The following FYB2 variants were observed in gnomAD, a reference collection of about 807,000 sequenced individuals.
FYB2 encodes the protein FYN-binding protein 2.
In FYB2, 103 loss-of-function variants were observed where a neutral mutation model predicts 94.1. The observed-to-expected ratio is 1.09, with a 90% CI of 0.93 to 1.29. The LOEUF is 1.29. Among genes scored for constraint, FYB2 ranks in the 50% most tolerant of loss-of-function variants. FYB2 has a pLI of 0.00. For missense variants in FYB2, 896 were observed against 841.5 expected, an observed-to-expected ratio of 1.06 and a Z score of -0.80; for synonymous variants, 293 against 287.9, an observed-to-expected ratio of 1.02 and a Z score of -0.18.
At chr1:56,777,576 T>G (rs1645910478) in intron 4 of FYB2, among the ~76,000 whole-genome samples, 1 of 152,016 alleles carries the variant, frequency 6.6e-6, no homozygotes, top group Non-Finnish European at 1.5e-5. Flanking sequence ...TATACTTGAG[T>G]CTTAAGCCGA....
At chr1:56,770,325 G>A (rs376221834) in intron 4 of FYB2, among the ~76,000 whole-genome samples, 282 of 152,142 alleles carry the variant, frequency 1.9e-3, no homozygotes, top group African/African-American at 6.4e-3. Flanking sequence ...ACCCTAACTC[G>A]CCTCTCTTCT....
intron 1 of FYB2, 78 bp from the exon 2 acceptor site, chr1:56,792,881 ATTCC>A: frequency 7.0e-7 from 1 of 1,428,798 alleles, no homozygotes; most frequent in Admixed American, 2.1e-5. Flanking sequence ...GTGTCTCATT[ATTCC>A]AAGAAAAAAA....
At chr1:56,770,228 A>G (rs1220926556) in intron 4 of FYB2, among the ~76,000 whole-genome samples, 1 of 152,106 alleles carries the variant, frequency 6.6e-6, no homozygotes, top group Non-Finnish European at 1.5e-5. Flanking sequence ...CCGACTGAGA[A>G]AGAAACACAA....
chr1:56,726,512 G>C lies in FYB2; in HGVS notation c.1865C>G (p.Ala622Gly), dbSNP rs1226002117. Reference protein sequence around the residue: ...TPKEKKEKNGAEESESFSPRN... With the variant: ...TPKEKKEKNGGEESESFSPRN... Reference sequence around the variant, plus strand: ...GTGTTCCCACCTTTCTGATTCTTCAGCACCGTTTTTCTCTTTTTTTTCCTT... The same window carrying C: ...GTGTTCCCACCTTTCTGATTCTTCACCACCGTTTTTCTCTTTTTTTTCCTT... The change falls in exon 16 of 20, where the codon GCT (alanine) becomes GGT (glycine). Residue 622 changes from alanine to glycine, a missense_variant. Ala to Gly is a moderately conservative substitution (Grantham distance 60, BLOSUM62 0). Transcript: ENST00000343433. 2 of 1,611,698 alleles carry C rather than the reference G, an allele frequency of 1.2e-6. No homozygotes were observed. Among genetic ancestry groups the C allele is most frequent in the African/African-American group, 2.7e-5 (2 of 74,718 alleles).
At chr1:56,808,100 T>C (rs1646686330) in intron 1 of FYB2, among the ~76,000 whole-genome samples, 1 of 152,218 alleles carries the variant, frequency 6.6e-6, no homozygotes, top group Non-Finnish European at 1.5e-5. Context: ...ATTGTTTTAC[T>C]ATACCACACT....
intron 1 of FYB2, among the ~76,000 whole-genome samples, chr1:56,797,067 T>C (rs1322325869): frequency 6.6e-6 from 1 of 152,144 alleles, no homozygotes; most frequent in Non-Finnish European, 1.5e-5. Flanking sequence ...AAGGGGCTTA[T>C]GATGCAAACC....
chr1:56,757,700 TTC>T (rs1176086708), intron 6 of FYB2, among the ~76,000 whole-genome samples: 5 of 87,860 alleles, frequency 5.7e-5, no homozygotes, highest in Non-Finnish European at 8.6e-5. Flanking sequence ...CTTTCTTTCT[TTC>T]TTTCTTTCTT....
At position 56,792,344 on chromosome 1, in the gene FYB2, G is replaced by C. The variant is rs373017352; in HGVS notation, c.469C>G (p.Leu157Val). ...SSQKSEMSSA[L>V]LLANYGSKAI... The stretch of plus-strand genomic sequence containing the variant: ...TTACTTCCATAGTTGGCAAGGAGAA[G>C]GGCTGAAGACATTTCACTTTTCTGA... Residue 157 changes from leucine to valine, a missense_variant, in exon 2 of 20, where the codon CTT (leucine) becomes GTT (valine). Leu to Val is a conservative substitution (Grantham distance 32). Coordinates refer to ENST00000343433, the MANE Select transcript of FYB2 (RefSeq NM_001004303.5). 6.8e-6 allele frequency: 11 copies of C among 1,614,104 alleles called. No individual in the cohort carries two copies. The highest frequency in any genetic ancestry group is 9.3e-6 in the Non-Finnish European group (11 of 1,180,014).
chr1:56,723,429 G>A (rs188455117), intron 17 of FYB2, among the ~76,000 whole-genome samples, 159 bp downstream of exon 17: 1 of 151,946 alleles, frequency 6.6e-6, no homozygotes, highest in Non-Finnish European at 1.5e-5. Flanking sequence ...ATATAGAAAT[G>A]TACCAGGAAA....
chr1:56,744,178 A>G lies in FYB2; in HGVS notation c.1476T>C (p.Asp492=), dbSNP rs747333337. Residue 492 remains aspartate, a synonymous_variant, in exon 10 of 20, where the codon GAT becomes GAC. Transcript: ENST00000343433. ...KTSSISEEIY[D]DVEYSRKEVP... ...CCTCTTTCCTGGAGTACTCGACATC[A>G]TCATATATCTCCTCCGAGATGGAAC... 1 of 1,612,730 alleles carries G rather than the reference A, an allele frequency of 6.2e-7. No individual in the cohort carries two copies.
chr1:56,823,718 G>T (rs917685821), upstream of FYB2: 1 of 152,180 alleles, frequency 6.6e-6, no homozygotes, highest in African/African-American at 2.4e-5. Flanking sequence ...CTCAGCACCT[G>T]CTTTGAGCCA....
At chr1:56,749,791 G>A (rs1335794353) in intron 9 of FYB2, among the ~76,000 whole-genome samples, 1 of 151,934 alleles carries the variant, frequency 6.6e-6, no homozygotes, top group Non-Finnish European at 1.5e-5. Flanking sequence ...ACTAAATAGG[G>A]ATTTGGATCT....
intron 1 of FYB2, among the ~76,000 whole-genome samples, chr1:56,807,110 TC>T (rs1646665221): frequency 6.6e-6 from 1 of 152,166 alleles, no homozygotes; most frequent in Non-Finnish European, 1.5e-5. Flanking sequence ...CCACAGAGCG[TC>T]CTTATTTGAA....
At chr1:56,731,552 C>T (rs1395282266) in intron 15 of FYB2, among the ~76,000 whole-genome samples, 1 of 151,982 alleles carries the variant, frequency 6.6e-6, no homozygotes, top group African/African-American at 2.4e-5. Flanking sequence ...GGGGAGATTT[C>T]AGCTCAGCTC....
At chr1:56,723,192 TA>T (rs1482602561) in intron 17 of FYB2, among the ~76,000 whole-genome samples, 1 of 149,914 alleles carries the variant, frequency 6.7e-6, no homozygotes, top group Non-Finnish European at 1.5e-5. Context: ...AGAGATTAAT[TA>T]AAGATTCACA....
At chr1:56,725,702 A>T (rs1489853814) in intron 16 of FYB2, among the ~76,000 whole-genome samples, 1 of 152,060 alleles carries the variant, frequency 6.6e-6, no homozygotes, top group African/African-American at 2.4e-5. Context: ...AACTTAAAGA[A>T]AATAAACTTA....
chr1:56,792,775 C>G lies in FYB2; in HGVS notation c.38G>C (p.Arg13Pro), dbSNP rs768309203. Reference protein sequence around the residue: ...GEGVRNFKELRAKFQNLDAPP... With the variant: ...GEGVRNFKELPAKFQNLDAPP... ...AGCATCAAGATTTTGAAATTTGGCT[C>G]GAAGTTCCTTGAAGTTTCTTACCCC... Residue 13 changes from arginine (R) to proline (P), a missense_variant, in exon 2 of 20, where the codon CGA (arginine) becomes CCA (proline). Coordinates refer to ENST00000343433, the MANE Select transcript of FYB2 (RefSeq NM_001004303.5). The G allele has an allele frequency of 1.7e-5, 27 of 1,612,790 alleles. No homozygotes were observed. The highest frequency in any genetic ancestry group is 1.6e-4 in the Middle Eastern group (1 of 6,076).
chr1:56,723,164 T>A (rs1644518160), intron 17 of FYB2, among the ~76,000 whole-genome samples: 1 of 151,946 alleles, frequency 6.6e-6, no homozygotes, highest in East Asian at 1.9e-4. Context: ...ACAGGGTTTC[T>A]TTCTCAAAAA....
At chr1:56,795,997 G>A (rs768849686) in intron 1 of FYB2, among the ~76,000 whole-genome samples, 1 of 152,120 alleles carries the variant, frequency 6.6e-6, no homozygotes, top group South Asian at 2.1e-4. Context: ...TAATGTCAAC[G>A]AGAGACAGAA....
Sources: allele counts gnomAD v4.1 joint callset (sites outside exome capture counted in the v4.1 genomes callset), GRCh38; gene constraint gnomAD v4.1.1; transcripts MANE v1.5; gene names NCBI Gene and HGNC (gene_info 2026-07-23, HGNC 2026-07-21).